COLEC10: variants seen among roughly 807,000 people sequenced by gnomAD.
The protein encoded by COLEC10 is collectin-10.
Under a neutral mutation model 28.4 loss-of-function variants are expected in COLEC10, and 22 were observed. That is an observed-to-expected ratio of 0.78 (90% confidence interval 0.55 to 1.11). The LOEUF is 1.11. Ranked by LOEUF, COLEC10 falls within the 50% of genes least tolerant of loss-of-function variation. The probability of loss-of-function intolerance (pLI) is 0.00; values close to 1 mark genes in which losing one functional copy is unlikely to be tolerated. For missense variants in COLEC10, 361 were observed against 344.1 expected (o/e 1.05, Z -0.39); for synonymous variants, 125 against 116.1 (o/e 1.08, Z -0.49).
At chr8:118,954,038 C>T in the COLEC10 span, among the ~76,000 whole-genome samples, 6 of 152,142 alleles carry the variant, frequency 3.9e-5, no homozygotes, top group East Asian at 1.9e-4. Context: ...CTCATGGGGA[C>T]GTTTGTATGA....
At chr8:119,004,564 TCACCAA>T (rs1391265188) in intron 1 of COLEC10, among the ~76,000 whole-genome samples, 1 of 150,588 alleles carries the variant, frequency 6.6e-6, no homozygotes, top group Non-Finnish European at 1.5e-5. Flanking sequence ...AGCATATATA[TCACCAA>T]ATATATGCTT....
chr8:119,092,482 C>T (rs2130285325), intron 3 of COLEC10, among the ~76,000 whole-genome samples: 3 of 152,290 alleles, frequency 2.0e-5, no homozygotes, highest in Admixed American at 2.0e-4. Flanking sequence ...ACAATGGTAG[C>T]AGGTTCTAAT....
At chr8:119,089,939 A>G (rs1475387241) in intron 2 of COLEC10, among the ~76,000 whole-genome samples, 188 bp downstream of exon 2, 1 of 152,202 alleles carries the variant, frequency 6.6e-6, no homozygotes, top group African/African-American at 2.4e-5. Context: ...CAAGACTCTC[A>G]TATGTTTCTC....
the COLEC10 span, among the ~76,000 whole-genome samples, chr8:118,963,815 T>G: frequency 6.6e-6 from 1 of 152,180 alleles, no homozygotes; most frequent in African/African-American, 2.4e-5. Context: ...TCCCTGTCAC[T>G]TGGAATGTTG....
At position 119,012,435 on chromosome 8, in the gene COLEC10, T is replaced by C. The variant is rs941023679; in HGVS notation, n.235+2882T>C. ...GACACTGGTCTGTAGTTTTTTTTCT[T>C]GTAAGGTCTTGGTCTGGTTTTAGTG... On this transcript the variant is annotated intron_variant and non_coding_transcript_variant, in intron 2 of 6. Transcript: ENST00000521788. Among the ~76,000 whole-genome samples, 4 of 150,702 alleles carry C rather than the reference T, an allele frequency of 2.7e-5. 1 individual carries two copies. The highest frequency in any genetic ancestry group is 9.9e-5 in the African/African-American group (4 of 40,326).
intron 2 of COLEC10, among the ~76,000 whole-genome samples, chr8:119,009,922 C>G (rs554256624): frequency 6.6e-6 from 1 of 150,768 alleles, no homozygotes; most frequent in Non-Finnish European, 1.5e-5. Flanking sequence ...ATAGAAATTT[C>G]CTGTCGAACT....
chr8:119,062,748 G>A (rs1453610268), upstream of COLEC10, among the ~76,000 whole-genome samples: 1 of 152,110 alleles, frequency 6.6e-6, no homozygotes, highest in Admixed American at 6.5e-5. Context: ...CCAAAGTGCT[G>A]GGATTACAGA....
intron 1 of COLEC10, among the ~76,000 whole-genome samples, chr8:119,075,546 G>C (rs1404292238): frequency 1.3e-5 from 2 of 152,102 alleles, no homozygotes; most frequent in Admixed American, 1.3e-4. Context: ...CATGAGTTTA[G>C]GTCTCTTGTG....
chr8:119,001,143 A>G lies in COLEC10; in HGVS notation n.122+5570A>G, dbSNP rs915137423. ...AATACATAGGAGGCATTATTAGGTG[A>G]TGATATTGAGGATGCTAATCATTGC... On this transcript the variant is annotated intron_variant and non_coding_transcript_variant, in intron 1 of 6. Transcript: ENST00000521788. Among the ~76,000 whole-genome samples, 5 of 152,168 alleles carry G rather than the reference A, an allele frequency of 3.3e-5. No homozygotes were observed. In the South Asian group the frequency reaches 8.3e-4, roughly 25 times the overall value.
chr8:119,070,476 T>C (rs5005859), intron 1 of COLEC10, among the ~76,000 whole-genome samples: 32,428 of 98,518 alleles, frequency 0.33, 6,317 homozygotes, highest in Non-Finnish European at 0.41. Context: ...TCTCTCTCTC[T>C]CCTTCCCCCT....
chr8:119,042,048 A>G (rs568256723), intron 2 of COLEC10, among the ~76,000 whole-genome samples: 6 of 151,462 alleles, frequency 4.0e-5, no homozygotes, highest in African/African-American at 1.5e-4. Flanking sequence ...CCCACGCTGG[A>G]GTGCAGTGGC....
At chr8:119,070,578 C>T (rs111616610) in intron 1 of COLEC10, among the ~76,000 whole-genome samples, 3 of 103,126 alleles carry the variant, frequency 2.9e-5, no homozygotes, top group African/African-American at 4.1e-5. Context: ...CCCCCCACCC[C>T]TTCTCTCTCT....
chr8:119,057,269 G>A (rs913031561), intron 2 of COLEC10, among the ~76,000 whole-genome samples: 7 of 152,138 alleles, frequency 4.6e-5, no homozygotes, highest in Middle Eastern at 3.4e-3. Flanking sequence ...GAAAGTACTT[G>A]CTTCTCCTTC....
chr8:119,048,552 A>C (rs1260497031), intron 2 of COLEC10, among the ~76,000 whole-genome samples: 1 of 152,072 alleles, frequency 6.6e-6, no homozygotes, highest in Non-Finnish European at 1.5e-5. Flanking sequence ...AGGATGGTTA[A>C]GTTTTCTTTT....
At chr8:118,990,535 A>G (rs1252836633), upstream of COLEC10, among the ~76,000 whole-genome samples, 4 of 152,182 alleles carry the variant, frequency 2.6e-5, no homozygotes, top group Admixed American at 2.6e-4. Flanking sequence ...AATACGTAAA[A>G]TTACAAATTA....
At chr8:119,085,750 T>C (rs1430726057) in intron 1 of COLEC10, among the ~76,000 whole-genome samples, 1 of 151,914 alleles carries the variant, frequency 6.6e-6, no homozygotes, top group African/African-American at 2.4e-5. Flanking sequence ...CCTGAGTAAC[T>C]GGGATTACAG....
chr8:119,021,274 A>C (rs560613849), intron 2 of COLEC10, among the ~76,000 whole-genome samples: 8 of 152,322 alleles, frequency 5.3e-5, no homozygotes, highest in African/African-American at 1.9e-4. Flanking sequence ...GCATGTATCA[A>C]ATTATTTCCA....
intron 1 of COLEC10, among the ~76,000 whole-genome samples, chr8:119,007,676 G>A (rs890413692): frequency 1.3e-5 from 2 of 150,994 alleles, no homozygotes; most frequent in Non-Finnish European, 1.5e-5. Context: ...CCCAAAGTAT[G>A]TTAGTAATAG....
chr8:119,017,161 T>C (rs570702904), intron 2 of COLEC10, among the ~76,000 whole-genome samples: 20 of 152,290 alleles, frequency 1.3e-4, no homozygotes, highest in Admixed American at 4.6e-4. Context: ...AACTGAAGCA[T>C]AGAATGACTA....
Sources: gnomAD v4.1 joint callset for allele counts (sites outside exome capture counted in the v4.1 genomes callset) on GRCh38, gnomAD v4.1.1 for gene constraint, MANE v1.5 for transcripts, NCBI Gene and HGNC (gene_info 2026-07-23, HGNC 2026-07-21) for gene names.